The following EPHA10 variants were observed in gnomAD, a reference collection of about 807,000 sequenced individuals.
EPHA10 encodes ephrin type-A receptor 10.
EPHA10 carries 120 observed loss-of-function variants against 109.7 expected under a neutral mutation model. That is an observed-to-expected ratio of 1.09 (90% CI 0.94 to 1.27). EPHA10 has a LOEUF of 1.27. Ranked by LOEUF, EPHA10 falls within the 50% of genes most tolerant of loss-of-function variation. EPHA10 has a pLI of 0.00. For synonymous variants in EPHA10, 640 were observed against 618.9 expected (o/e 1.03, Z -0.51); for missense variants, 1,396 against 1,411.1 (o/e 0.99, Z 0.17).
chr1:37,720,731 C>A, intron 12 of EPHA10, 52 bp downstream of exon 12: 7 of 1,603,658 alleles, frequency 4.4e-6, no homozygotes, highest in South Asian at 1.1e-5. Flanking sequence ...GTGAGGGACC[C>A]CTGCCCGCTT....
downstream of EPHA10, chr1:37,714,940 C>T (rs1645670882): frequency 6.6e-6 from 1 of 152,246 alleles, no homozygotes; most frequent in African/African-American, 2.4e-5. Context: ...TGCTGTGTTA[C>T]AGTAGCCCAA....
rs371509086 is a variant in EPHA10, at chr1:37,731,511, C to T, written c.1563G>A (p.Pro521=). Residue 521 remains proline, a synonymous_variant, in exon 7 of 17, where the codon CCG becomes CCA. Coordinates refer to ENST00000373048, the MANE Select transcript of EPHA10 (RefSeq NM_001099439.2). Reference sequence around the variant, plus strand: ...GGATCTGAAAGACGTAGCGGGTAGCCGGCTTCAGGTTGGTGACGGTGACTG... The same window carrying T: ...GGATCTGAAAGACGTAGCGGGTAGCTGGCTTCAGGTTGGTGACGGTGACTG... The part of the protein sequence containing the change: ...APTVTVTNLK[P]ATRYVFQIRA... The T allele has an allele frequency of 2.2e-4, 360 of 1,614,064 alleles. No individual in the cohort carries two copies. The highest frequency in any genetic ancestry group is 6.6e-4 in the Middle Eastern group (4 of 6,060).
chr1:37,730,848 CG>C (rs1003494937), intron 7 of EPHA10, among the ~76,000 whole-genome samples: 2 of 151,894 alleles, frequency 1.3e-5, no homozygotes, highest in African/African-American at 4.8e-5. Flanking sequence ...CCCGCCACCA[CG>C]CCCGGCTGAT....
At chr1:37,719,843 G>C (rs943242876) in intron 14 of EPHA10, 66 bp downstream of exon 14, 1 of 1,611,572 alleles carries the variant, frequency 6.2e-7, no homozygotes. Flanking sequence ...ACGGGCAGAG[G>C]TCAGGAAGCT....
intron 1 of EPHA10, among the ~76,000 whole-genome samples, chr1:37,763,876 C>T (rs1290650259): frequency 6.6e-6 from 1 of 152,200 alleles, no homozygotes; most frequent in Non-Finnish European, 1.5e-5. Context: ...TCTCCTCAGC[C>T]AGCCCTTTTC....
intron 6 of EPHA10, among the ~76,000 whole-genome samples, chr1:37,734,939 C>T (rs1329149308): frequency 6.6e-6 from 1 of 152,162 alleles, no homozygotes; most frequent in East Asian, 1.9e-4. Flanking sequence ...TTTAAAAGGG[C>T]TCTACAAATG....
chr1:37,748,658 T>C (rs1646275530), intron 5 of EPHA10, among the ~76,000 whole-genome samples: 1 of 152,080 alleles, frequency 6.6e-6, no homozygotes, highest in South Asian at 2.1e-4. Flanking sequence ...ATATATCTAG[T>C]AGGGTATAAT....
intron 5 of EPHA10, among the ~76,000 whole-genome samples, chr1:37,740,060 A>G (rs1050208262): frequency 6.6e-6 from 1 of 152,214 alleles, no homozygotes; most frequent in African/African-American, 2.4e-5. Flanking sequence ...TAAGCAATAC[A>G]GCAAGACCCA....
rs1645798914 is a variant in EPHA10 at position 37,721,661 on chromosome 1, T to C, written c.2145A>G (p.Arg715=). 1 of 1,602,324 alleles carries C rather than the reference T, an allele frequency of 6.2e-7. No homozygotes were observed. The highest frequency in any genetic ancestry group is 1.3e-5 in the African/African-American group (1 of 74,644). Residue 715 remains arginine, a splice_region_variant and synonymous_variant, in exon 11 of 17, where the codon CGA becomes CGG. Coordinates refer to ENST00000373048, the MANE Select transcript of EPHA10 (RefSeq NM_001099439.2). ...HIVRLEGVVT[R]GSTLMIVTEY... Reference sequence around the variant, plus strand: ...CAGGAAGGGAGCACCGGGCCCTACCTCGGGTAACAACGCCCTCCAGCCGCA... The same window carrying C: ...CAGGAAGGGAGCACCGGGCCCTACCCCGGGTAACAACGCCCTCCAGCCGCA...
chr1:37,731,595 CAAG>C lies in EPHA10; in HGVS notation c.1492-16_1492-14del. 1 of 1,590,988 alleles carries C rather than the reference CAAG, an allele frequency of 6.3e-7. No individual in the cohort carries two copies. The highest frequency in any genetic ancestry group is 8.6e-7 in the Non-Finnish European group (1 of 1,166,986). On this transcript the variant is annotated splice_polypyrimidine_tract_variant and intron_variant, in intron 6 of 16. Transcript: ENST00000373048. ...GCTCACTCTGACCCTGGAGAGAGAT[CAAG>C]AAGTGAAGCCCACCAGCGCCAGATC...
chr1:37,759,418 GA>G (rs1219585522), intron 3 of EPHA10, among the ~76,000 whole-genome samples: 9 of 151,880 alleles, frequency 5.9e-5, no homozygotes, highest in Non-Finnish European at 1.2e-4. Context: ...AGCTGCCTGG[GA>G]AAAAAAAACC....
intron 5 of EPHA10, among the ~76,000 whole-genome samples, chr1:37,750,042 G>C (rs897879736): frequency 1.3e-5 from 2 of 152,144 alleles, no homozygotes; most frequent in African/African-American, 4.8e-5. Flanking sequence ...TAAAACAAAA[G>C]GGATTTTATA....
At chr1:37,715,879 CAG>C, downstream of EPHA10, 3 of 555,832 alleles carry the variant, frequency 5.4e-6, no homozygotes, top group Non-Finnish European at 1.1e-5. Flanking sequence ...ATCTCAGACG[CAG>C]ATTCTGGACA....
At position 37,727,150 on chromosome 1, in the gene EPHA10, G is replaced by A. The variant is rs1645905886; in HGVS notation, c.1724C>T (p.Ala575Val). The change falls in exon 8 of 17, where the codon GCC becomes GTC. Residue 575 changes from alanine to valine, a missense_variant. Coordinates refer to ENST00000373048, the MANE Select transcript of EPHA10 (RefSeq NM_001099439.2). ...AIVVTVVTIS[A>V]LLVLGSVMSV... ...CATCACGGAGCCCAGGACGAGGAGG[G>A]CCGAGATGGTCACTACGGTGACGAC... The A allele has an allele frequency of 1.2e-6, 2 of 1,613,094 alleles. No individual in the cohort carries two copies. Among genetic ancestry groups the A allele is most frequent in the Non-Finnish European group, 8.5e-7 (1 of 1,179,504 alleles).
intron 7 of EPHA10, among the ~76,000 whole-genome samples, chr1:37,727,728 G>GT (rs1645918245): frequency 6.6e-6 from 1 of 152,206 alleles, no homozygotes; most frequent in South Asian, 2.1e-4. Context: ...GGAAACTGAG[G>GT]TTGAGAAATT....
rs971169892 is a variant in EPHA10 at position 37,723,490 on chromosome 1, G to A, written c.1773-118C>T. On this transcript the variant is annotated intron_variant, in intron 8 of 16. Transcript: ENST00000373048. ...AAGACAAGGCCTGTGCCCTGGGGGA[G>A]GGAACTTCTTGTCCAGCTGGTTTAA... The A allele has an allele frequency of 6.1e-6, 7 of 1,148,000 alleles. No homozygotes were observed. In the African/African-American group the frequency reaches 6.3e-5, roughly 10 times the overall value. The allele number at this position is 1,148,000 out of a possible 1,614,324, so 71.1% of individuals were successfully genotyped here.
Position 37,717,327 on chromosome 1 carries a change from AAGGGCTGTAC to A in EPHA10, c.*1035_*1044del. ...GAGGGGAGTCGCCTCTAGAGTCCCC[AAGGGCTGTAC>A]AGGGAAGTGGTGGTGCCATAGGGCA... On this transcript the variant is annotated 3_prime_UTR_variant, in exon 17 of 17. Coordinates refer to ENST00000373048, the MANE Select transcript of EPHA10 (RefSeq NM_001099439.2). The A allele has an allele frequency of 4.3e-6, 1 of 232,388 alleles. No homozygotes were observed. The highest frequency in any genetic ancestry group is 6.1e-5 in the East Asian group (1 of 16,436). The allele number at this position is 232,388 out of a possible 1,614,324, so 14.4% of individuals were successfully genotyped here. A position where few individuals can be genotyped will look rare whatever the true frequency, so the allele number is the denominator to read the frequency against.
intron 4 of EPHA10, among the ~76,000 whole-genome samples, chr1:37,753,872 C>A (rs1361295629): frequency 6.6e-6 from 1 of 151,946 alleles, no homozygotes; most frequent in Non-Finnish European, 1.5e-5. Flanking sequence ...GGGACCGAAC[C>A]GATGGTGCGA....
intron 7 of EPHA10, among the ~76,000 whole-genome samples, chr1:37,729,475 A>G (rs1645945703): frequency 6.6e-6 from 1 of 152,142 alleles, no homozygotes; most frequent in Non-Finnish European, 1.5e-5. Flanking sequence ...TAATCCTAAC[A>G]CTTTGGGAGG....
Sources: gnomAD v4.1 joint callset for allele counts (sites outside exome capture counted in the v4.1 genomes callset) on GRCh38, gnomAD v4.1.1 for gene constraint, MANE v1.5 for transcripts, NCBI Gene and HGNC (gene_info 2026-07-23, HGNC 2026-07-21) for gene names.